The following TMEM163 variants were observed in gnomAD, a reference collection of about 807,000 sequenced individuals.
TMEM163 encodes transmembrane protein 163.
TMEM163 carries 17 observed loss-of-function variants against 29.3 expected under a neutral mutation model. The observed-to-expected ratio is 0.58, with a 90% CI of 0.40 to 0.87. TMEM163 has a LOEUF of 0.87. TMEM163 is among the 40% of genes least tolerant of loss of function. The pLI is 0.00. For missense variants in TMEM163, 303 were observed against 381.5 expected, an observed-to-expected ratio of 0.79 and a Z score of 1.71; for synonymous variants, 157 against 160.6, an observed-to-expected ratio of 0.98 and a Z score of 0.17.
chr2:134,551,974 G>C (rs1384190139), intron 3 of TMEM163, 74 bp downstream of exon 3: 2 of 1,217,436 alleles, frequency 1.6e-6, no homozygotes, highest in East Asian at 4.7e-5. Context: ...CCTCATTTGA[G>C]GGCTCAGGGT....
At chr2:134,568,004 A>G (rs1449256705) in intron 2 of TMEM163, among the ~76,000 whole-genome samples, 1 of 152,234 alleles carries the variant, frequency 6.6e-6, no homozygotes, top group African/African-American at 2.4e-5. Flanking sequence ...TCATATCCCA[A>G]GCAACTGCAT....
intron 4 of TMEM163, among the ~76,000 whole-genome samples, chr2:134,541,801 CAT>C (rs1280125329): frequency 1.3e-3 from 181 of 142,594 alleles, no homozygotes; most frequent in African/African-American, 3.5e-3. Context: ...CACACACACA[CAT>C]ACACACACAC....
chr2:134,700,856 G>T (rs1196820281), intron 2 of TMEM163, among the ~76,000 whole-genome samples: 3 of 151,628 alleles, frequency 2.0e-5, no homozygotes, highest in African/African-American at 7.3e-5. Context: ...CTGAGAGACC[G>T]TGACACTGCA....
intron 2 of TMEM163, among the ~76,000 whole-genome samples, chr2:134,661,363 C>A (rs1306953134): frequency 6.6e-6 from 1 of 152,210 alleles, no homozygotes; most frequent in African/African-American, 2.4e-5. Context: ...CAACACGAAA[C>A]AAACTCAGAC....
At chr2:134,611,381 TAAAC>T (rs943184409) in intron 2 of TMEM163, among the ~76,000 whole-genome samples, 20 of 152,280 alleles carry the variant, frequency 1.3e-4, no homozygotes, top group African/African-American at 4.6e-4. Context: ...GACAAATATC[TAAAC>T]AAACAAACAA....
intron 2 of TMEM163, among the ~76,000 whole-genome samples, chr2:134,700,401 T>G (rs1315309320): frequency 6.6e-6 from 1 of 152,216 alleles, no homozygotes; most frequent in Non-Finnish European, 1.5e-5. Context: ...AACTTGAGAA[T>G]CCCTGTTCCA....
At chr2:134,506,358 T>C (rs1378160146) in intron 4 of TMEM163, among the ~76,000 whole-genome samples, 1 of 152,138 alleles carries the variant, frequency 6.6e-6, no homozygotes, top group East Asian at 1.9e-4. Flanking sequence ...TTTTTAACGA[T>C]TTATTAATAT....
intron 2 of TMEM163, among the ~76,000 whole-genome samples, chr2:134,599,396 G>C (rs1331838075): frequency 6.6e-6 from 1 of 152,130 alleles, no homozygotes; most frequent in Non-Finnish European, 1.5e-5. Context: ...TAGGTGATTA[G>C]GTCATGAGGG....
At chr2:134,699,784 TG>T (rs1404595833) in intron 2 of TMEM163, among the ~76,000 whole-genome samples, 4 of 152,228 alleles carry the variant, frequency 2.6e-5, no homozygotes, top group Non-Finnish European at 5.9e-5. Context: ...TTGAGTGCTC[TG>T]GGGTTTTGTT....
At chr2:134,647,546 A>G (rs1683360991) in intron 2 of TMEM163, among the ~76,000 whole-genome samples, 1 of 152,084 alleles carries the variant, frequency 6.6e-6, no homozygotes, top group African/African-American at 2.4e-5. Context: ...CTCAATATAA[A>G]TTGTGGAGGT....
intron 1 of TMEM163, 130 bp downstream of exon 1, chr2:134,718,604 G>C: frequency 3.2e-6 from 2 of 623,768 alleles, no homozygotes; most frequent in Non-Finnish European, 4.2e-6. Context: ...CGTTCTCGCC[G>C]GGAAGTCGGG....
rs368619280 is a variant in TMEM163, at chr2:134,625,898, G to A, written c.323-73807C>T. Among the ~76,000 whole-genome samples the A allele has an allele frequency of 7.2e-5, 11 of 152,258 alleles. No individual in the cohort carries two copies. The East Asian group carries it at 1.2e-3, about 16-fold the overall frequency. On this transcript the variant is annotated intron_variant, in intron 2 of 7. Coordinates refer to ENST00000281924, the MANE Select transcript of TMEM163 (RefSeq NM_030923.5). ...CCTGTCTCCCCAACCCGCTTACAGC[G>A]TGTAAGCTAGCCCCAGAGTCCAGGT...
chr2:134,705,952 C>T (rs1204132779), intron 2 of TMEM163, among the ~76,000 whole-genome samples: 1 of 152,218 alleles, frequency 6.6e-6, no homozygotes, highest in Non-Finnish European at 1.5e-5. Flanking sequence ...GTGTCACCGC[C>T]ACGGCTGTGC....
intron 2 of TMEM163, among the ~76,000 whole-genome samples, chr2:134,635,604 T>C (rs2104835928): frequency 6.6e-6 from 1 of 152,190 alleles, no homozygotes; most frequent in East Asian, 1.9e-4. Context: ...ATGACTCCCG[T>C]CTTACCAGAA....
chr2:134,553,048 A>C (rs1239950017), intron 2 of TMEM163, among the ~76,000 whole-genome samples: 2 of 152,166 alleles, frequency 1.3e-5, no homozygotes, highest in Non-Finnish European at 2.9e-5. Context: ...AGCTTCAAAG[A>C]CTTCTCAATT....
At chr2:134,537,346 T>C (rs1432359996) in intron 4 of TMEM163, among the ~76,000 whole-genome samples, 1 of 152,084 alleles carries the variant, frequency 6.6e-6, no homozygotes, top group Non-Finnish European at 1.5e-5. Flanking sequence ...GAGGCTGAAG[T>C]TCTGAGATCA....
Position 134,548,391 on chromosome 2 carries a change from G to A in TMEM163, c.458+2179C>T, listed in dbSNP as rs553397287. Among the ~76,000 whole-genome samples the A allele has an allele frequency of 3.9e-5, 6 of 152,282 alleles. No homozygotes were observed. The East Asian group carries it at 1.2e-3, about 29-fold the overall frequency. On this transcript the variant is annotated intron_variant, in intron 4 of 7. Transcript: ENST00000281924. ...TCAGTTCAGACAAGCCACATATCAA[G>A]TGCTAAAATATTGCATTAGTGGCAA... is the stretch of plus-strand genomic sequence containing the variant.
chr2:134,571,141 C>T (rs1161407183), intron 2 of TMEM163, among the ~76,000 whole-genome samples: 1 of 152,130 alleles, frequency 6.6e-6, no homozygotes, highest in Non-Finnish European at 1.5e-5. Context: ...TCAACAAGTT[C>T]CCCTCAAATT....
intron 4 of TMEM163, among the ~76,000 whole-genome samples, chr2:134,517,140 T>C (rs1026145607): frequency 6.8e-6 from 1 of 146,984 alleles, no homozygotes; most frequent in Non-Finnish European, 1.5e-5. Context: ...TTCACCATAC[T>C]GTGCCCTTTG....
Sources: allele counts gnomAD v4.1 joint callset (sites outside exome capture counted in the v4.1 genomes callset), GRCh38; gene constraint gnomAD v4.1.1; transcripts MANE v1.5; gene names NCBI Gene and HGNC (gene_info 2026-07-23, HGNC 2026-07-21).